The following LLGL2 variants were observed in gnomAD, a reference collection of about 807,000 sequenced individuals.
The protein encoded by LLGL2 is LLGL scribble cell polarity complex component 2.
Under a neutral mutation model 123.2 loss-of-function variants are expected in LLGL2, and 81 were observed. The ratio of observed to expected loss-of-function variants is 0.66; its 90% CI spans 0.55 to 0.79. The LOEUF is 0.79. Ranked by LOEUF, LLGL2 falls within the 30% of genes least tolerant of loss-of-function variation. The probability of loss-of-function intolerance (pLI) is 0.00; values close to 1 mark genes in which losing one functional copy is unlikely to be tolerated. For synonymous variants in LLGL2, 577 were observed against 594.1 expected (o/e 0.97, Z 0.42); for missense variants, 1,273 against 1,414.6 (o/e 0.90, Z 1.61).
chr17:75,557,375 G>T (rs2054963832), intron 3 of LLGL2, among the ~76,000 whole-genome samples: 1 of 152,228 alleles, frequency 6.6e-6, no homozygotes, highest in African/African-American at 2.4e-5. Flanking sequence ...TCCTTCCCCG[G>T]CCTGAGGCTG....
chr17:75,548,465 C>T (rs915906559), intron 2 of LLGL2, among the ~76,000 whole-genome samples: 1 of 151,948 alleles, frequency 6.6e-6, no homozygotes, highest in Non-Finnish European at 1.5e-5. Context: ...TTCAGAGCTA[C>T]TCCCATGTCT....
chr17:75,554,302 CAAAA>C (rs72439797), intron 2 of LLGL2, among the ~76,000 whole-genome samples: 5 of 133,968 alleles, frequency 3.7e-5, no homozygotes, highest in Non-Finnish European at 7.6e-5. Flanking sequence ...AACTCCGTCT[CAAAA>C]AAAAAAAAAA....
At chr17:75,555,957 G>C (rs1350507076) in intron 2 of LLGL2, 89 bp from the exon 3 acceptor site, 8 of 998,106 alleles carry the variant, frequency 8.0e-6, no homozygotes, top group South Asian at 1.4e-5. Flanking sequence ...CCTGCTTCCT[G>C]CTGGGTCGTC....
At chr17:75,552,305 T>C (rs1312929487) in intron 2 of LLGL2, among the ~76,000 whole-genome samples, 1 of 146,794 alleles carries the variant, frequency 6.8e-6, no homozygotes, top group Non-Finnish European at 1.5e-5. Context: ...CCTAGCCAAC[T>C]TGGTGAAACC....
intron 25 of LLGL2, 91 bp from the exon 26 acceptor site, chr17:75,574,780 C>T (rs1258764167): frequency 6.3e-7 from 1 of 1,594,442 alleles, no homozygotes; most frequent in Non-Finnish European, 8.6e-7. Context: ...CCCTGATGAC[C>T]AGGAAAGCAC....
Position 75,563,007 on chromosome 17 carries a change from C to T in LLGL2, c.531-9C>T. 3 of 1,610,778 alleles carry T rather than the reference C, an allele frequency of 1.9e-6. No homozygotes were observed. The highest frequency in any genetic ancestry group is 1.7e-4 in the Middle Eastern group (1 of 6,056). On this transcript the variant is annotated splice_polypyrimidine_tract_variant and intron_variant, in intron 6 of 25. Transcript: ENST00000392550. ...GGCATCGGAGGCTCACGGCACTCCCCTCGCCCAGGTTGCCAGAGGAGGCCC... is the reference window on the plus strand; with the variant it reads ...GGCATCGGAGGCTCACGGCACTCCCTTCGCCCAGGTTGCCAGAGGAGGCCC...
At chr17:75,543,556 G>GCCCCAGCCTGA in intron 2 of LLGL2, 55 bp downstream of exon 2, 1 of 1,467,994 alleles carries the variant, frequency 6.8e-7, no homozygotes, top group Non-Finnish European at 9.4e-7. Context: ...AAGCAGCTCA[G>GCCCCAGCCTGA]GCTGGGGCTG....
intron 3 of LLGL2, among the ~76,000 whole-genome samples, chr17:75,556,568 G>A (rs530818895): frequency 1.3e-5 from 2 of 152,264 alleles, no homozygotes; most frequent in South Asian, 2.1e-4. Context: ...TTTTGCAGGG[G>A]TTGTATTGGT....
At position 75,558,854 on chromosome 17, in the gene LLGL2, CAT is replaced by C. The variant is rs2147381200; in HGVS notation, c.371+228_371+229del. 26 of 293,910 alleles carry C rather than the reference CAT, an allele frequency of 8.8e-5. No homozygotes were observed. Among genetic ancestry groups the C allele is most frequent in the East Asian group, 2.5e-4 (5 of 19,808 alleles). 18.2% of individuals were successfully genotyped at this position (293,910 alleles called of 1,614,324 possible). A position where few individuals can be genotyped will look rare whatever the true frequency, so the allele number is the denominator to read the frequency against. On this transcript the variant is annotated intron_variant, in intron 5 of 25. Coordinates refer to ENST00000392550, the MANE Select transcript of LLGL2 (RefSeq NM_001031803.2). This position sits in a 1 kb window ranked among gnomAD's most constrained non-coding sequence, Gnocchi z 4.0. ...TCCTCCATCCGCACCCCACCTCCTC[CAT>C]CCGCACCCCGCCTCCTCCATCCGCA...
chr17:75,526,811 G>A (rs370275407), intron 1 of LLGL2, among the ~76,000 whole-genome samples: 3 of 152,142 alleles, frequency 2.0e-5, no homozygotes, highest in African/African-American at 7.2e-5. Flanking sequence ...AGGAAACGCT[G>A]GTAGGAAGAG....
intron 2 of LLGL2, among the ~76,000 whole-genome samples, chr17:75,552,231 AGCACTCTG>A (rs1365235117): frequency 6.6e-6 from 1 of 152,120 alleles, no homozygotes; most frequent in Non-Finnish European, 1.5e-5. Flanking sequence ...CTGTAATCCC[AGCACTCTG>A]GCACTCTGGA....
Position 75,558,840 on chromosome 17 carries a change from CA to C in LLGL2, c.371+214del. 5 of 376,256 alleles carry C rather than the reference CA, an allele frequency of 1.3e-5. No individual in the cohort carries two copies. The highest frequency in any genetic ancestry group is 3.3e-5 in the South Asian group (1 of 30,242). 23.3% of individuals were successfully genotyped at this position (376,256 alleles called of 1,614,324 possible). On this transcript the variant is annotated intron_variant, in intron 5 of 25. Coordinates refer to ENST00000392550, the MANE Select transcript of LLGL2 (RefSeq NM_001031803.2). The surrounding 1 kb of genome is among the most constrained non-coding windows in gnomAD (Gnocchi z 4.0). ...ATCCACACCACGCCTCCTCCATCCG[CA>C]CCCCACCTCCTCCATCCGCACCCCG...
rs970338765 is a variant in LLGL2 at position 75,559,964 on chromosome 17, A to G, written c.530+554A>G. The stretch of plus-strand genomic sequence containing the variant: ...GGGTGGGAGAAGGGGACGGGGCCCA[A>G]AAAAAGAGAGGAGATAGCATCTGAC... On this transcript the variant is annotated intron_variant, in intron 6 of 25. Coordinates refer to ENST00000392550, the MANE Select transcript of LLGL2 (RefSeq NM_001031803.2). This position sits in a 1 kb window ranked among gnomAD's most constrained non-coding sequence, Gnocchi z 4.6. Among the ~76,000 whole-genome samples, 4 of 152,176 alleles carry G rather than the reference A, an allele frequency of 2.6e-5. No individual in the cohort carries two copies. The highest frequency in any genetic ancestry group is 4.1e-4 in the South Asian group (2 of 4,832).
chr17:75,536,989 G>A (rs1055217452), intron 1 of LLGL2, among the ~76,000 whole-genome samples: 2 of 152,050 alleles, frequency 1.3e-5, no homozygotes, highest in African/African-American at 2.4e-5. Context: ...CACCATGCCC[G>A]GCTAATTTTT....
At chr17:75,556,263 T>C (rs1670367757) in intron 3 of LLGL2, 120 bp downstream of exon 3, 1 of 785,160 alleles carries the variant, frequency 1.3e-6, no homozygotes, top group Non-Finnish European at 2.0e-6. Context: ...ACTTTCCTGA[T>C]TTCCAGTTTT....
chr17:75,540,798 CT>C (rs1456624318), intron 1 of LLGL2, among the ~76,000 whole-genome samples: 4 of 152,120 alleles, frequency 2.6e-5, no homozygotes, highest in Non-Finnish European at 4.4e-5. Flanking sequence ...TTCTGCTTAC[CT>C]TTCAGATGGC....
At chr17:75,543,345 A>G (rs958997951) in intron 1 of LLGL2, 52 bp from the exon 2 acceptor site, 9 of 1,348,652 alleles carry the variant, frequency 6.7e-6, no homozygotes, top group Admixed American at 2.1e-5. Flanking sequence ...GCCGGGCCTA[A>G]TCGATACCTG....
At position 75,557,034 on chromosome 17, in the gene LLGL2, C is replaced by CTTTTTTTTTT. The variant is rs55649536; in HGVS notation, c.173+907_173+916dup. ...ACAGAGTGAGACTCTGTCTCAAAAA[C>CTTTTTTTTTT]TTTTTTTTTTTTTTTTTTTTTTTTT... On this transcript the variant is annotated intron_variant, in intron 3 of 25. Transcript: ENST00000392550. Among the ~76,000 whole-genome samples, 6 of 109,890 alleles carry CTTTTTTTTTT rather than the reference C, an allele frequency of 5.5e-5. 1 individual carries two copies. The highest frequency in any genetic ancestry group is 2.4e-4 in the African/African-American group (5 of 21,234). 72.1% of individuals were successfully genotyped at this position (109,890 alleles called of 152,430 possible). A position where few individuals can be genotyped will look rare whatever the true frequency, so the allele number is the denominator to read the frequency against.
At chr17:75,530,081 T>C (rs910068133) in intron 1 of LLGL2, among the ~76,000 whole-genome samples, 11 of 152,156 alleles carry the variant, frequency 7.2e-5, no homozygotes, top group African/African-American at 2.2e-4. Context: ...TCAACTTCCA[T>C]GAAGCATAAG....
Sources: allele counts gnomAD v4.1 joint callset (sites outside exome capture counted in the v4.1 genomes callset), GRCh38; gene constraint gnomAD v4.1.1; non-coding constraint Gnocchi (gnomAD v3.1); transcripts MANE v1.5; gene names NCBI Gene and HGNC (gene_info 2026-07-23, HGNC 2026-07-21).